The following TTK variants were observed in gnomAD, a reference collection of about 807,000 sequenced individuals.
TTK encodes the protein TTK protein kinase, also known as dual specificity protein kinase TTK.
In TTK, 59 loss-of-function variants were observed where a neutral mutation model predicts 117.3. The ratio of observed to expected loss-of-function variants is 0.50; its 90% CI spans 0.41 to 0.62. TTK has a LOEUF of 0.62. Among genes scored for constraint, TTK ranks in the 20% least tolerant of loss-of-function variants. The pLI, the probability that TTK is intolerant of heterozygous loss-of-function variation, is 0.00. For synonymous variants in TTK, 302 were observed against 325.0 expected (o/e 0.93, Z 0.76); for missense variants, 921 against 989.4 (o/e 0.93, Z 0.93).
chr6:80,042,032 A>T, intron 21 of TTK, 87 bp from the exon 22 acceptor site: 1 of 677,898 alleles, frequency 1.5e-6, no homozygotes, highest in East Asian at 2.8e-5. Context: ...AATGTATTAT[A>T]TTTAGAATAC....
chr6:80,031,813 C>T (rs1386905673), intron 14 of TTK, among the ~76,000 whole-genome samples: 2 of 152,044 alleles, frequency 1.3e-5, no homozygotes, highest in African/African-American at 2.4e-5. Context: ...TCTTTAATAA[C>T]AAAAACATTG....
intron 11 of TTK, among the ~76,000 whole-genome samples, chr6:80,023,393 A>G (rs1054445310): frequency 1.3e-5 from 2 of 152,212 alleles, no homozygotes; most frequent in African/African-American, 4.8e-5. Flanking sequence ...GGAGATCGAG[A>G]CCATCTTGGC....
rs1031759242 is a variant in TTK, at chr6:80,038,153, T to C, written c.2130+106T>C. Reference sequence around the variant, plus strand: ...CAATTTCTTTAAGTTCTAAAACTTTTTAGGCCATTACAGAGACATTGCTGG... The same window carrying C: ...CAATTTCTTTAAGTTCTAAAACTTTCTAGGCCATTACAGAGACATTGCTGG... On this transcript the variant is annotated intron_variant, in intron 18 of 21. Coordinates refer to ENST00000369798, the MANE Select transcript of TTK (RefSeq NM_003318.5). 1.0e-5 allele frequency: 7 copies of C among 686,188 alleles called. No individual in the cohort carries two copies. The African/African-American group carries it at 1.3e-4, about 13-fold the overall frequency. The allele number at this position is 686,188 out of a possible 1,614,324, so 42.5% of individuals were successfully genotyped here.
Position 80,006,001 on chromosome 6 carries a change from T to C in TTK, c.139+19T>C. The C allele has an allele frequency of 6.3e-7, 1 of 1,596,618 alleles. No homozygotes were observed. The highest frequency in any genetic ancestry group is 8.5e-7 in the Non-Finnish European group (1 of 1,175,738). On this transcript the variant is annotated intron_variant, in intron 2 of 21. Coordinates refer to ENST00000369798, the MANE Select transcript of TTK (RefSeq NM_003318.5). ...ACTACAGGTGAGTTTTTCTTTTCTTTTAAGTTAGTAACTGTTTGTTGGGTA... is the reference window on the plus strand; with the variant it reads ...ACTACAGGTGAGTTTTTCTTTTCTTCTAAGTTAGTAACTGTTTGTTGGGTA...
At chr6:80,033,107 A>C (rs1767802159) in intron 14 of TTK, among the ~76,000 whole-genome samples, 1 of 152,150 alleles carries the variant, frequency 6.6e-6, no homozygotes, top group Non-Finnish European at 1.5e-5. Context: ...TCCCTTCACC[A>C]ACATCTCCCC....
At chr6:80,023,152 A>G (rs1014472517) in intron 11 of TTK, among the ~76,000 whole-genome samples, 1 of 152,166 alleles carries the variant, frequency 6.6e-6, no homozygotes, top group Non-Finnish European at 1.5e-5. Flanking sequence ...AGGCTTTATT[A>G]ATTCAGTGGT....
At chr6:80,025,231 A>G (rs1417229506) in intron 11 of TTK, among the ~76,000 whole-genome samples, 1 of 152,170 alleles carries the variant, frequency 6.6e-6, no homozygotes, top group Non-Finnish European at 1.5e-5. Flanking sequence ...GTTCCTCAGT[A>G]ACATCTTTAC....
chr6:80,033,129 C>T (rs1767802603), intron 14 of TTK, among the ~76,000 whole-genome samples: 1 of 152,044 alleles, frequency 6.6e-6, no homozygotes, highest in Non-Finnish European at 1.5e-5. Context: ...TTTCTCTCAA[C>T]CTCCAGCCTT....
At chr6:80,008,563 A>G in intron 4 of TTK, 71 bp downstream of exon 4, 2 of 1,354,958 alleles carry the variant, frequency 1.5e-6, no homozygotes, top group East Asian at 2.6e-5. Flanking sequence ...CTAATATTAA[A>G]TCATATATAT....
chr6:80,018,236 A>T (rs1582095784), intron 10 of TTK, among the ~76,000 whole-genome samples: 2 of 152,240 alleles, frequency 1.3e-5, no homozygotes, highest in African/African-American at 4.8e-5. Flanking sequence ...ATTTTTACTT[A>T]TTTATGCATT....
chr6:80,038,841 A>T (rs1347013160), intron 18 of TTK, among the ~76,000 whole-genome samples: 1 of 152,136 alleles, frequency 6.6e-6, no homozygotes, highest in Non-Finnish European at 1.5e-5. Context: ...TTCTTAAATA[A>T]GCAGTTCCTG....
intron 19 of TTK, 111 bp downstream of exon 19, chr6:80,039,983 G>T: frequency 9.3e-7 from 1 of 1,075,428 alleles, no homozygotes; most frequent in Non-Finnish European, 1.3e-6. Flanking sequence ...ATTGCTAACT[G>T]AATTAGTTTT....
Position 80,011,426 on chromosome 6 carries a change from T to G in TTK, c.614-8T>G. On this transcript the variant is annotated splice_polypyrimidine_tract_variant and splice_region_variant and intron_variant, in intron 5 of 21. Transcript: ENST00000369798. ...ATAAATTTAATCATAGTTTCAAAAT[T>G]TTTACAGCATCTACGGTATTAACTG... 6.5e-7 allele frequency: 1 copy of G among 1,547,512 alleles called. No individual in the cohort carries two copies. The highest frequency in any genetic ancestry group is 1.2e-5 in the South Asian group (1 of 80,098).
At chr6:80,022,116 T>C (rs1453650204) in intron 10 of TTK, among the ~76,000 whole-genome samples, 1 of 152,206 alleles carries the variant, frequency 6.6e-6, no homozygotes, top group East Asian at 1.9e-4. Flanking sequence ...AGTAACAATG[T>C]AGGAAGATGA....
chr6:80,027,537 A>G (rs1381863662), intron 12 of TTK, among the ~76,000 whole-genome samples: 3 of 152,212 alleles, frequency 2.0e-5, no homozygotes, highest in African/African-American at 7.2e-5. Context: ...GCAAGCCATT[A>G]TAGAACATTA....
rs569124503 is a variant in TTK at position 80,014,815 on chromosome 6, T to C, written c.1108+229T>C. On this transcript the variant is annotated intron_variant, in intron 10 of 21. Transcript: ENST00000369798. ...AAGAAAGAGTGGAGGGAAAATGCAA[T>C]GGAACTGAGTTTTTTTTCTCAGTTG... 3.5e-4 allele frequency among the ~76,000 whole-genome samples: 54 copies of C among 152,198 alleles called. 2 individuals are homozygous for C. The South Asian group carries it at 0.011, about 30-fold the overall frequency.
At chr6:80,032,284 G>T (rs979136639) in intron 14 of TTK, among the ~76,000 whole-genome samples, 1 of 151,500 alleles carries the variant, frequency 6.6e-6, no homozygotes, top group South Asian at 2.1e-4. Flanking sequence ...GCTTTTTTCC[G>T]CACTTGGTTT....
At chr6:80,005,642 T>C (rs1766970884) in intron 1 of TTK, among the ~76,000 whole-genome samples, 200 bp from the exon 2 acceptor site, 2 of 152,236 alleles carry the variant, frequency 1.3e-5, no homozygotes, top group Non-Finnish European at 2.9e-5. Context: ...ACTTGGCCTA[T>C]GAAACCTTGG....
At chr6:80,027,579 G>C (rs967644691) in intron 12 of TTK, among the ~76,000 whole-genome samples, 1 of 151,870 alleles carries the variant, frequency 6.6e-6, no homozygotes, top group Non-Finnish European at 1.5e-5. Flanking sequence ...ATCTATGGCC[G>C]GCCACAAGCT....
Sources: allele counts gnomAD v4.1 joint callset (sites outside exome capture counted in the v4.1 genomes callset), GRCh38; gene constraint gnomAD v4.1.1; transcripts MANE v1.5; gene names NCBI Gene and HGNC (gene_info 2026-07-23, HGNC 2026-07-21).